HSPG2: variants seen among roughly 807,000 people sequenced by gnomAD.
The protein encoded by HSPG2 is basement membrane-specific heparan sulfate proteoglycan core protein.
Under a neutral mutation model 526.6 loss-of-function variants are expected in HSPG2, and 278 were observed. The ratio of observed to expected loss-of-function variants is 0.53; its 90% CI spans 0.48 to 0.58. The LOEUF (loss-of-function observed/expected upper bound fraction) is 0.58, where lower values mean the gene tolerates loss of function less well. Among genes scored for constraint, HSPG2 ranks in the 20% least tolerant of loss-of-function variants. The pLI is 0.00. For synonymous variants in HSPG2, 2,465 were observed against 2,555.4 expected (o/e 0.96, Z 1.07); for missense variants, 5,354 against 6,099.5 (o/e 0.88, Z 4.07).
chr1:21,879,147 C>T, intron 17 of HSPG2, 26 bp from the exon 18 acceptor site: 3 of 1,614,068 alleles, frequency 1.9e-6, no homozygotes, highest in Non-Finnish European at 2.5e-6. Context: ...GGGTATGGCT[C>T]AACTTCTAGA....
chr1:21,839,888 G>A lies in HSPG2; in HGVS notation c.9643C>T (p.Gln3215Ter). ...ACAGTCAGCTCAGCTTCTTCAGCTTGGACCTGAGGGGCCCCTGGGGCCATG... is the reference window on the plus strand; with the variant it reads ...ACAGTCAGCTCAGCTTCTTCAGCTTAGACCTGAGGGGCCCCTGGGGCCATG... ...GAMAPGAPQV[Q>*]AEEAELTVEA... Residue 3215 changes from glutamine to a stop codon, truncating the protein, a stop_gained, in exon 72 of 97, where the codon CAA becomes TAA. Transcript: ENST00000374695. LOFTEE classifies it high-confidence loss of function. The surrounding 1 kb of genome is among the most constrained non-coding windows in gnomAD (Gnocchi z 4.5). 6.2e-7 allele frequency: 1 copy of A among 1,614,156 alleles called. No homozygotes were observed. The highest frequency in any genetic ancestry group is 8.5e-7 in the Non-Finnish European group (1 of 1,180,036).
rs370899852 is a variant in HSPG2, at chr1:21,855,779, G to A, written c.5701+8C>T. 7.4e-6 allele frequency: 12 copies of A among 1,612,704 alleles called. No individual in the cohort carries two copies. The highest frequency in any genetic ancestry group is 4.0e-5 in the African/African-American group (3 of 74,926). On this transcript the variant is annotated splice_region_variant and intron_variant, in intron 45 of 96. Coordinates refer to ENST00000374695, the MANE Select transcript of HSPG2 (RefSeq NM_005529.7). ...AGGCCTTGAATGTCATTCCCATCAC[G>A]GCCTCACCTGTCCACTCGAGGGTGG... is the stretch of plus-strand genomic sequence containing the variant.
intron 1 of HSPG2, among the ~76,000 whole-genome samples, chr1:21,923,457 A>G (rs927486648): frequency 6.6e-6 from 1 of 152,076 alleles, no homozygotes; most frequent in Non-Finnish European, 1.5e-5. Context: ...AGCCCTCGCT[A>G]TTTTGCACAT....
Position 21,850,388 on chromosome 1 carries a change from G to T in HSPG2, c.7269C>A (p.Thr2423=), listed in dbSNP as rs1423937490. 1.2e-6 allele frequency: 2 copies of T among 1,605,946 alleles called. No individual in the cohort carries two copies. Among genetic ancestry groups the T allele is most frequent in the Non-Finnish European group, 1.7e-6 (2 of 1,176,250 alleles). Reference sequence around the variant, plus strand: ...CAGGCACTGAGCCCGCAGGCTCAATGGTGACCAGGACAGAGGCCTCTAGAG... The same window carrying T: ...CAGGCACTGAGCCCGCAGGCTCAATTGTGACCAGGACAGAGGCCTCTAGAG... ...SVPLEASVLV[T]IEPAGSVPAL... is the part of the protein sequence containing the mutation. Residue 2423 remains threonine (T), a synonymous_variant, in exon 56 of 97, where the codon ACC becomes ACA. Transcript: ENST00000374695.
intron 95 of HSPG2, 42 bp from the exon 96 acceptor site, chr1:21,823,761 G>C (rs1317525383): frequency 1.0e-5 from 15 of 1,502,228 alleles, no homozygotes; most frequent in Non-Finnish European, 1.4e-5. Flanking sequence ...CAAACTTCCT[G>C]GTCCTCCCCG....
rs746793581 is a variant in HSPG2 at position 21,853,760 on chromosome 1, AT to A, written c.6439+432del. 8.5e-3 allele frequency: 1,062 copies of A among 125,588 alleles called. 8 individuals carry two copies. The highest frequency in any genetic ancestry group is 0.019 in the Middle Eastern group (7 of 362). The allele number at this position is 125,588 out of a possible 1,614,324, so 7.8% of individuals were successfully genotyped here. A position where few individuals can be genotyped will look rare whatever the true frequency, so the allele number is the denominator to read the frequency against. On this transcript the variant is annotated intron_variant, in intron 50 of 96. Coordinates refer to ENST00000374695, the MANE Select transcript of HSPG2 (RefSeq NM_005529.7). ...CGAGACTCTCTCTCAAAAAAATAAA[AT>A]AAAATAAAATAAAATAAAATAAAAT...
chr1:21,887,822 C>T lies in HSPG2; in HGVS notation c.703+116G>A. 6.3e-7 allele frequency: 1 copy of T among 1,575,506 alleles called. No individual in the cohort carries two copies. Among genetic ancestry groups the T allele is most frequent in the South Asian group, 1.1e-5 (1 of 90,046 alleles). On this transcript the variant is annotated intron_variant, in intron 7 of 96. Transcript: ENST00000374695. This position sits in a 1 kb window ranked among gnomAD's most constrained non-coding sequence, Gnocchi z 5.0. The stretch of plus-strand genomic sequence containing the variant: ...GCTCTGTCATCACCCTTCCTATGCC[C>T]CCATCCTCTGCCTGCACCAAACCCT...
intron 21 of HSPG2, among the ~76,000 whole-genome samples, chr1:21,877,767 G>A (rs900815937): frequency 6.6e-6 from 1 of 152,106 alleles, no homozygotes; most frequent in African/African-American, 2.4e-5. Context: ...CAAAGTGCTG[G>A]GATTACAGGC....
intron 9 of HSPG2, 67 bp from the exon 10 acceptor site, chr1:21,885,518 C>T: frequency 1.3e-6 from 2 of 1,575,008 alleles, no homozygotes; most frequent in South Asian, 2.2e-5. Context: ...TCCCCAGGGC[C>T]ACTCTCTCAT....
In HSPG2 at chr1:21,874,144, G is replaced by A. The variant is rs1389589013; in HGVS notation, c.3657-133C>T. On this transcript the variant is annotated intron_variant, in intron 28 of 96. Coordinates refer to ENST00000374695, the MANE Select transcript of HSPG2 (RefSeq NM_005529.7). ...TCATGTGTCCTCAGTGCCACTGCATGCCTGGCACTGTGCTAAGAGTTCCAC... is the reference window on the plus strand; with the variant it reads ...TCATGTGTCCTCAGTGCCACTGCATACCTGGCACTGTGCTAAGAGTTCCAC... The A allele has an allele frequency of 3.6e-6, 3 of 844,174 alleles. No individual in the cohort carries two copies. In the African/African-American group the frequency reaches 5.1e-5, roughly 14 times the overall value. The allele number at this position is 844,174 out of a possible 1,614,324, so 52.3% of individuals were successfully genotyped here.
chr1:21,925,492 G>T (rs1644164342), intron 1 of HSPG2, among the ~76,000 whole-genome samples: 1 of 152,198 alleles, frequency 6.6e-6, no homozygotes, highest in Admixed American at 6.5e-5. Context: ...AAACCTGCAG[G>T]CCCCACAGGG....
chr1:21,860,640 C>T (rs531777750), intron 39 of HSPG2, among the ~76,000 whole-genome samples: 13 of 152,062 alleles, frequency 8.5e-5, no homozygotes, highest in South Asian at 4.2e-4. Flanking sequence ...TGCAGGGGTG[C>T]GCCACCACAC....
In HSPG2 at chr1:21,872,313, C is replaced by A; in HGVS notation, c.4094G>T (p.Ser1365Ile). 1 of 1,575,504 alleles carries A rather than the reference C, an allele frequency of 6.3e-7. No individual in the cohort carries two copies. The highest frequency in any genetic ancestry group is 2.3e-5 in the East Asian group (1 of 42,582). ...CACAGTGAATTCTCCTGTCAGGCGG[C>A]TGTTTCGCTGTGGGTTCACCAGGGC... is the stretch of plus-strand genomic sequence containing the variant. ...GFALVNPQRN[S>I]RLTGEFTVEP... Residue 1365 changes from serine (S) to isoleucine (I), a missense_variant, in exon 33 of 97, where the codon AGC becomes ATC. Physicochemically the swap from Ser to Ile is moderately radical, Grantham distance 142 (BLOSUM62 -2). Transcript: ENST00000374695. The surrounding 1 kb of genome is among the most constrained non-coding windows in gnomAD (Gnocchi z 5.5).
At position 21,896,260 on chromosome 1, in the gene HSPG2, T is replaced by C. The variant is rs1425446046; in HGVS notation, c.114A>G (p.Ile38Met). Residue 38 changes from isoleucine (I) to methionine (M), a missense_variant, in exon 2 of 97, where the codon ATA (isoleucine) becomes ATG (methionine). Ile to Met is a conservative substitution (Grantham distance 10). Transcript: ENST00000374695. Reference sequence around the variant, plus strand: ...GCATTTGGCTTGCTGTGACGGTCTCTATGTCCTCAGGCAGAGACAAGCCAT... The same window carrying C: ...GCATTTGGCTTGCTGTGACGGTCTCCATGTCCTCAGGCAGAGACAAGCCAT... The part of the protein sequence containing the change: ...AYDGLSLPED[I>M]ETVTASQMRW... 6.2e-7 allele frequency: 1 copy of C among 1,613,924 alleles called. No homozygotes were observed. The highest frequency in any genetic ancestry group is 1.1e-5 in the South Asian group (1 of 91,070).
chr1:21,910,789 G>A (rs949191618), intron 1 of HSPG2, among the ~76,000 whole-genome samples: 1 of 152,108 alleles, frequency 6.6e-6, no homozygotes, highest in Non-Finnish European at 1.5e-5. Context: ...CTCTCAGCTT[G>A]AGCACAAAGA....
In HSPG2 at chr1:21,848,015, C is replaced by A. The variant is rs759184289; in HGVS notation, c.7816G>T (p.Ala2606Ser). 19 of 1,613,384 alleles carry A rather than the reference C, an allele frequency of 1.2e-5. No individual in the cohort carries two copies. In the Admixed American group the frequency reaches 3.2e-4, roughly 27 times the overall value. ...ATGAGCGAGGTCTCCCGGGAGCCTG[C>A]ACCGTTACTGACGTGACACACGTAC... ...GEYVCHVSNG[A>S]GSRETSLIVT... The change falls in exon 60 of 97, where the codon GCA (alanine) becomes TCA (serine). Residue 2606 changes from alanine to serine, a missense_variant. By Grantham distance (99) the Ala-to-Ser change is moderately conservative. Transcript: ENST00000374695. The surrounding 1 kb of genome is among the most constrained non-coding windows in gnomAD (Gnocchi z 4.9).
At chr1:21,830,366 G>A (rs569443232) in intron 85 of HSPG2, 22 of 499,328 alleles carry the variant, frequency 4.4e-5, no homozygotes, top group South Asian at 1.1e-4. Context: ...CTGGTGGCGG[G>A]TAATGGGGTG....
At chr1:21,855,006 G>A in intron 47 of HSPG2, 23 bp from the exon 48 acceptor site, 1 of 1,610,022 alleles carries the variant, frequency 6.2e-7, no homozygotes, top group Non-Finnish European at 8.5e-7. Context: ...AGATGGGTCA[G>A]CTGCCCCAGA....
intron 10 of HSPG2, 34 bp from the exon 11 acceptor site, chr1:21,885,191 G>A (rs764958219): frequency 6.3e-7 from 1 of 1,599,878 alleles, no homozygotes; most frequent in Non-Finnish European, 8.5e-7. Flanking sequence ...AGGGGTCGGG[G>A]GCAAAGGAAG....
Sources: gnomAD v4.1 joint callset for allele counts (sites outside exome capture counted in the v4.1 genomes callset) on GRCh38, gnomAD v4.1.1 for gene constraint, Gnocchi (gnomAD v3.1) non-coding constraint, MANE v1.5 for transcripts, NCBI Gene and HGNC (gene_info 2026-07-23, HGNC 2026-07-21) for gene names.